Variants in ARID1B observed in about 807,000 individuals in gnomAD.
The protein encoded by ARID1B is AT-rich interaction domain 1B.
A neutral mutation model predicts 212.3 loss-of-function variants in ARID1B; 30 were observed. The ratio of observed to expected loss-of-function variants is 0.14; its 90% CI spans 0.11 to 0.19. ARID1B has a LOEUF of 0.19. ARID1B is among the 10% of genes least tolerant of loss of function. The pLI is 1.00. For missense variants in ARID1B, 2,891 were observed against 3,204.0 expected (o/e 0.90, Z 2.36); for synonymous variants, 1,402 against 1,301.7 (o/e 1.08, Z -1.66).
intron 7 of ARID1B, among the ~76,000 whole-genome samples, chr6:157,140,096 C>T (rs936512513): frequency 6.6e-6 from 1 of 152,000 alleles, no homozygotes; most frequent in Non-Finnish European, 1.5e-5. Context: ...CGTATCTGTG[C>T]GTGATGAAAG....
intron 2 of ARID1B, among the ~76,000 whole-genome samples, chr6:156,881,150 G>A (rs896214051): frequency 2.0e-5 from 3 of 152,174 alleles, no homozygotes; most frequent in Non-Finnish European, 4.4e-5. Context: ...CTCCCTGGGT[G>A]GGGCCTGCAT....
chr6:156,973,310 G>C (rs1777045123), intron 4 of ARID1B, among the ~76,000 whole-genome samples: 3 of 152,098 alleles, frequency 2.0e-5, no homozygotes, highest in Admixed American at 2.0e-4. Context: ...GAGTTCTTTA[G>C]AACTGTGCTG....
chr6:156,817,948 C>T (rs189302677), intron 1 of ARID1B, among the ~76,000 whole-genome samples: 58 of 152,206 alleles, frequency 3.8e-4, no homozygotes, highest in African/African-American at 1.3e-3. Flanking sequence ...GTGCAGTTAT[C>T]ACTGTCAGGA....
rs775733700 is a variant in ARID1B at position 156,778,945 on chromosome 6, TGGCGGCGGCGGCCGC to T, written c.1278_1292del (p.Ala429_Ala433del). 1.6e-4 allele frequency: 205 copies of T among 1,277,134 alleles called. No individual in the cohort carries two copies. Among genetic ancestry groups the T allele is most frequent in the Middle Eastern group, 5.8e-4 (2 of 3,472 alleles). 79.1% of individuals were successfully genotyped at this position (1,277,134 alleles called of 1,614,324 possible). On this transcript the variant is annotated inframe_deletion, in exon 1 of 20. Coordinates refer to ENST00000636930, the MANE Select transcript of ARID1B (RefSeq NM_001374828.1). ...GCAGGAGGAGCAGGAGCGGGAGCTGTGGCGGCGGCGGCCGCGGCGGCGGCGGCAGCAGCAGGAGGC... is the reference window on the plus strand; with the variant it reads ...GCAGGAGGAGCAGGAGCGGGAGCTGTGGCGGCGGCGGCAGCAGCAGGAGGC...
At chr6:157,121,834 G>T (rs1278862243) in intron 6 of ARID1B, among the ~76,000 whole-genome samples, 1 of 152,046 alleles carries the variant, frequency 6.6e-6, no homozygotes, top group Non-Finnish European at 1.5e-5. Context: ...GTTTCACCAT[G>T]TTGGCCAGGC....
chr6:157,179,845 C>T (rs1792378302), intron 11 of ARID1B, among the ~76,000 whole-genome samples: 1 of 152,092 alleles, frequency 6.6e-6, no homozygotes, highest in Non-Finnish European at 1.5e-5. Context: ...TAACATCTAG[C>T]CTCAATGGCA....
At chr6:156,838,224 A>G (rs898224624) in intron 2 of ARID1B, among the ~76,000 whole-genome samples, 5 of 152,206 alleles carry the variant, frequency 3.3e-5, no homozygotes, top group African/African-American at 4.8e-5. Context: ...GTCAAGATCT[A>G]TAAAACACCA....
In ARID1B at chr6:157,207,101, A is replaced by G; in HGVS notation, c.6329A>G (p.Glu2110Gly). The G allele has an allele frequency of 6.2e-7, 1 of 1,614,188 alleles. No homozygotes were observed. Among genetic ancestry groups the G allele is most frequent in the African/African-American group, 1.3e-5 (1 of 75,022 alleles). ...KLILLHHEHP[E>G]RKRAPQTYEK... ...ATTCTTCTTCACCACGAGCATCCAG[A>G]GAGAAAGCGAGCACCGCAGACCTAT... The change falls in exon 20 of 20, where the codon GAG (glutamate) becomes GGG (glycine). Residue 2110 changes from glutamate to glycine, a missense_variant. Physicochemically the swap from Glu to Gly is moderately conservative, Grantham distance 98. Around this residue, in one of 7 missense-constraint regions of ARID1B, gnomAD observed 41 missense variants for 40.4 expected, o/e 1.01. Coordinates refer to ENST00000636930, the MANE Select transcript of ARID1B (RefSeq NM_001374828.1). The surrounding 1 kb of genome is among the most constrained non-coding windows in gnomAD (Gnocchi z 8.5).
intron 2 of ARID1B, among the ~76,000 whole-genome samples, chr6:156,880,297 T>C (rs1228728426): frequency 6.6e-6 from 1 of 152,172 alleles, no homozygotes; most frequent in African/African-American, 2.4e-5. Context: ...GCGAGAATGT[T>C]TCATGATTGT....
chr6:156,945,717 GT>G (rs1302512353), intron 4 of ARID1B, among the ~76,000 whole-genome samples: 3 of 152,180 alleles, frequency 2.0e-5, no homozygotes, highest in African/African-American at 7.2e-5. Flanking sequence ...TGAAAGTCTG[GT>G]TGTATATAAA....
intron 4 of ARID1B, among the ~76,000 whole-genome samples, chr6:156,952,941 C>T (rs936192742): frequency 1.3e-5 from 2 of 152,162 alleles, no homozygotes; most frequent in African/African-American, 2.4e-5. Flanking sequence ...AAGACTTTAG[C>T]TCCAACTTTA....
At chr6:156,803,155 C>A (rs1170684094) in intron 1 of ARID1B, among the ~76,000 whole-genome samples, 1 of 151,776 alleles carries the variant, frequency 6.6e-6, no homozygotes, top group Non-Finnish European at 1.5e-5. Flanking sequence ...ACGATGTTTT[C>A]TTTTTATCAG....
intron 4 of ARID1B, chr6:156,940,849 A>T (rs1387521866): frequency 6.6e-6 from 1 of 152,214 alleles, no homozygotes; most frequent in Non-Finnish European, 1.5e-5. Flanking sequence ...TCTCAGTCCA[A>T]CCCAGCTAGA....
chr6:156,979,843 A>G (rs1432882334), intron 4 of ARID1B, among the ~76,000 whole-genome samples: 1 of 152,106 alleles, frequency 6.6e-6, no homozygotes, highest in Admixed American at 6.5e-5. Flanking sequence ...GGCATGGGCC[A>G]CTGCACCTGG....
chr6:156,847,169 T>A (rs909098610), intron 2 of ARID1B, among the ~76,000 whole-genome samples: 4 of 152,144 alleles, frequency 2.6e-5, no homozygotes, highest in African/African-American at 7.2e-5. Flanking sequence ...TTTTTTTTTT[T>A]AAACCAACCT....
intron 3 of ARID1B, among the ~76,000 whole-genome samples, chr6:156,904,047 C>T (rs888560103): frequency 2.0e-5 from 3 of 152,118 alleles, no homozygotes; most frequent in South Asian, 2.1e-4. Context: ...GAAGGGATTC[C>T]GAGAAAAGTC....
At chr6:157,022,070 A>AT (rs1562556234) in intron 4 of ARID1B, among the ~76,000 whole-genome samples, 2 of 152,186 alleles carry the variant, frequency 1.3e-5, no homozygotes, top group African/African-American at 4.8e-5. Flanking sequence ...CTGACGGTGG[A>AT]AAAGCCAGGA....
intron 3 of ARID1B, 51 bp downstream of exon 3, chr6:156,901,576 A>G: frequency 6.4e-7 from 1 of 1,562,988 alleles, no homozygotes; most frequent in Non-Finnish European, 8.7e-7. Flanking sequence ...ACCAAGGCAG[A>G]CCCGGCTCTG....
intron 5 of ARID1B, among the ~76,000 whole-genome samples, chr6:157,103,100 C>T (rs994357060): frequency 6.6e-6 from 1 of 152,124 alleles, no homozygotes; most frequent in Non-Finnish European, 1.5e-5. Flanking sequence ...GCCTGTGAAA[C>T]CTAAAATGTT....
Sources: allele counts gnomAD v4.1 joint callset (sites outside exome capture counted in the v4.1 genomes callset), GRCh38; gene constraint gnomAD v4.1.1; regional missense constraint gnomAD v4.1.1; non-coding constraint Gnocchi (gnomAD v3.1); transcripts MANE v1.5; gene names NCBI Gene and HGNC (gene_info 2026-07-23, HGNC 2026-07-21).